The following BBS12 variants were observed in gnomAD, a reference collection of about 807,000 sequenced individuals.
The protein encoded by BBS12 is Bardet-Biedl syndrome 12.
BBS12 carries 5 observed loss-of-function variants against 5.6 expected under a neutral mutation model. The ratio of observed to expected loss-of-function variants is 0.89; its 90% CI spans 0.46 to 1.86. The LOEUF (loss-of-function observed/expected upper bound fraction) is 1.86. Among genes scored for constraint, BBS12 ranks in the 40% most tolerant of loss-of-function variants. The pLI, the probability that BBS12 is intolerant of heterozygous loss-of-function variation, is 0.01. For synonymous variants in BBS12, 308 were observed against 306.8 expected (o/e 1.00, Z -0.04); for missense variants, 748 against 830.4 (o/e 0.90, Z 1.22).
chr4:122,719,379 A>G, the BBS12 span, among the ~76,000 whole-genome samples: 2 of 152,176 alleles, frequency 1.3e-5, no homozygotes, highest in Non-Finnish European at 2.9e-5. Flanking sequence ...AGCCAGCAGC[A>G]GCAACCCACT....
chr4:122,743,604 A>G lies in BBS12; in HGVS notation c.1712A>G (p.Asn571Ser), dbSNP rs371908294. The change falls in exon 2 of 2, where the codon AAT becomes AGT. Residue 571 changes from asparagine (N) to serine (S), a missense_variant. By Grantham distance (46) the Asn-to-Ser change is conservative (BLOSUM62 1). Transcript: ENST00000314218. ...ENHACSGWLH[N>S]TSSWLASSLA... Reference sequence around the variant, plus strand: ...CATGCCTGCTCAGGGTGGCTGCATAATACTTCCTCTTGGCTGGCTTCATCT... The same window carrying G: ...CATGCCTGCTCAGGGTGGCTGCATAGTACTTCCTCTTGGCTGGCTTCATCT... 8 of 1,614,172 alleles carry G rather than the reference A, an allele frequency of 5.0e-6. No individual in the cohort carries two copies. The African/African-American group carries it at 1.1e-4, about 22-fold the overall frequency.
chr4:122,706,677 C>T, the BBS12 span, among the ~76,000 whole-genome samples: 1 of 152,184 alleles, frequency 6.6e-6, no homozygotes, highest in Non-Finnish European at 1.5e-5. Flanking sequence ...ACCTTGAATG[C>T]AACCTTCTTT....
chr4:122,723,186 A>G, the BBS12 span, among the ~76,000 whole-genome samples: 1 of 152,194 alleles, frequency 6.6e-6, no homozygotes, highest in African/African-American at 2.4e-5. Flanking sequence ...GGTTTGAACT[A>G]TCCTGGTAGG....
Position 122,744,067 on chromosome 4 carries a change from G to A in BBS12, c.*42G>A. Reference sequence around the variant, plus strand: ...TTTGGAAAATAATTTTTCATAATATGTCATGCTAATAATAAATATATTGAT... The same window carrying A: ...TTTGGAAAATAATTTTTCATAATATATCATGCTAATAATAAATATATTGAT... On this transcript the variant is annotated 3_prime_UTR_variant, in exon 2 of 2. Transcript: ENST00000314218. 6.4e-7 allele frequency: 1 copy of A among 1,567,748 alleles called. No individual in the cohort carries two copies. The highest frequency in any genetic ancestry group is 8.8e-7 in the Non-Finnish European group (1 of 1,139,286).
At chr4:122,713,389 C>T in the BBS12 span, among the ~76,000 whole-genome samples, 1 of 151,858 alleles carries the variant, frequency 6.6e-6, no homozygotes, top group Non-Finnish European at 1.5e-5. Flanking sequence ...CTACTTGGGA[C>T]GCTGAAGCAG....
the BBS12 span, among the ~76,000 whole-genome samples, chr4:122,714,928 T>C: frequency 6.6e-6 from 1 of 152,146 alleles, no homozygotes; most frequent in African/African-American, 2.4e-5. Context: ...ATGTCTATCA[T>C]GTTTTACATA....
In BBS12 at chr4:122,744,364, T is replaced by C. The variant is rs945684305; in HGVS notation, c.*339T>C. The stretch of plus-strand genomic sequence containing the variant: ...CCACAGGAGGAACACAAAGGGCCCA[T>C]GATGAAAGCCTGCACACAGTGGGTT... On this transcript the variant is annotated 3_prime_UTR_variant, in exon 2 of 2. Coordinates refer to ENST00000314218, the MANE Select transcript of BBS12 (RefSeq NM_152618.3). The C allele has an allele frequency of 3.5e-6, 1 of 281,832 alleles. No individual in the cohort carries two copies. Among genetic ancestry groups the C allele is most frequent in the Non-Finnish European group, 7.2e-6 (1 of 138,794 alleles). The allele number at this position is 281,832 out of a possible 1,614,324, so 17.5% of individuals were successfully genotyped here. A position where few individuals can be genotyped will look rare whatever the true frequency, so the allele number is the denominator to read the frequency against.
chr4:122,722,386 C>T, the BBS12 span, among the ~76,000 whole-genome samples: 4 of 152,124 alleles, frequency 2.6e-5, no homozygotes, highest in South Asian at 2.1e-4. Flanking sequence ...TGTGCATTGT[C>T]CCCTTGGATT....
chr4:122,740,174 G>A (rs1465603151), intron 1 of BBS12, among the ~76,000 whole-genome samples: 2 of 152,192 alleles, frequency 1.3e-5, no homozygotes, highest in African/African-American at 4.8e-5. Flanking sequence ...TTGGGAGGCT[G>A]AGGTGGGAGA....
At chr4:122,714,550 CG>C in the BBS12 span, among the ~76,000 whole-genome samples, 1 of 151,950 alleles carries the variant, frequency 6.6e-6, no homozygotes, top group Non-Finnish European at 1.5e-5. Context: ...GAGGCTGAGG[CG>C]GGCGCATCAC....
At chr4:122,716,532 TATATACATATGTGTATATATACAC>T in the BBS12 span, among the ~76,000 whole-genome samples, 132 of 150,466 alleles carry the variant, frequency 8.8e-4, no homozygotes, top group African/African-American at 3.0e-3. Context: ...ATTATATTTA[TATATACATATGTGTATATATACAC>T]ATATGTATAT....
chr4:122,743,454 CAT>C lies in BBS12; in HGVS notation c.1563_1564del (p.Ala523LeufsTer20). ...CAAATCAAAGAAGATAGGTTCTGGA[CAT>C]GTGCCTATCGTTTGTATTATGCTCT... On this transcript the variant is annotated frameshift_variant, in exon 2 of 2. Transcript: ENST00000314218. LOFTEE classifies it low-confidence loss of function (END_TRUNC). 6.2e-7 allele frequency: 1 copy of C among 1,614,232 alleles called. No homozygotes were observed. The highest frequency in any genetic ancestry group is 8.5e-7 in the Non-Finnish European group (1 of 1,180,032).
chr4:122,716,597 GTATACACACATGTGTGTATATGCA>G, the BBS12 span, among the ~76,000 whole-genome samples: 321 of 117,938 alleles, frequency 2.7e-3, 4 homozygotes, highest in African/African-American at 0.011. Context: ...ACATATGTAT[GTATACACACATGTGTGTATATGCA>G]CATACACATA....
In BBS12 at chr4:122,742,032, G is replaced by A. The variant is rs149473445; in HGVS notation, c.140G>A (p.Ser47Asn). 62 of 1,613,932 alleles carry A rather than the reference G, an allele frequency of 3.8e-5. No individual in the cohort carries two copies. The highest frequency in any genetic ancestry group is 4.8e-5 in the Non-Finnish European group (57 of 1,179,858). ...ATTATAGATGAAGAATGTCATGAAA[G>A]TGTATTAATCAGTTCAACAGTAAGG... The part of the protein sequence containing the change: ...KFIIDEECHE[S>N]VLISSTVRLL... Residue 47 changes from serine (S) to asparagine (N), a missense_variant, in exon 2 of 2, where the codon AGT (serine) becomes AAT (asparagine). Coordinates refer to ENST00000314218, the MANE Select transcript of BBS12 (RefSeq NM_152618.3).
the BBS12 span, among the ~76,000 whole-genome samples, chr4:122,707,906 G>A: frequency 6.7e-6 from 1 of 148,920 alleles, no homozygotes; most frequent in East Asian, 1.9e-4. Context: ...CCCTGCCACA[G>A]TTACATTCTC....
chr4:122,728,714 T>C (rs1446155906), upstream of BBS12: 1 of 152,252 alleles, frequency 6.6e-6, no homozygotes, highest in Non-Finnish European at 1.5e-5. Context: ...CATGAGCACA[T>C]ACAATTCTAG....
At chr4:122,734,271 CT>C (rs1209513683) in intron 1 of BBS12, among the ~76,000 whole-genome samples, 72 of 146,084 alleles carry the variant, frequency 4.9e-4, no homozygotes, top group South Asian at 1.1e-3. Flanking sequence ...AGGTCATACA[CT>C]TTTTTTTTTT....
the BBS12 span, among the ~76,000 whole-genome samples, chr4:122,711,377 A>C: frequency 6.6e-6 from 1 of 151,774 alleles, no homozygotes; most frequent in Non-Finnish European, 1.5e-5. Context: ...AAAAAAAAGG[A>C]AGTCACTGTG....
the BBS12 span, among the ~76,000 whole-genome samples, chr4:122,722,660 T>C: frequency 6.6e-6 from 1 of 152,320 alleles, no homozygotes; most frequent in South Asian, 2.1e-4. Context: ...AACAATGTTA[T>C]GGTCTCTTTA....
Sources: allele counts gnomAD v4.1 joint callset (sites outside exome capture counted in the v4.1 genomes callset), GRCh38; gene constraint gnomAD v4.1.1; transcripts MANE v1.5; gene names NCBI Gene and HGNC (gene_info 2026-07-23, HGNC 2026-07-21).